Variants in THRB observed in about 807,000 individuals in gnomAD.
THRB encodes the protein nuclear receptor subfamily 1 group A member 2.
THRB carries 12 observed loss-of-function variants against 47.8 expected under a neutral mutation model. The ratio of observed to expected loss-of-function variants is 0.25; its 90% confidence interval spans 0.16 to 0.41. The LOEUF (loss-of-function observed/expected upper bound fraction) is 0.41, where lower values mean the gene tolerates loss of function less well. Ranked by LOEUF, THRB falls within the 10% of genes least tolerant of loss-of-function variation. The pLI, the probability that THRB is intolerant of heterozygous loss-of-function variation, is 1.00. For missense variants in THRB, 348 were observed against 589.2 expected, an observed-to-expected ratio of 0.59 and a Z score of 4.24; for synonymous variants, 218 against 212.2, an observed-to-expected ratio of 1.03 and a Z score of -0.24.
At chr3:24,489,563 C>T (rs1265417276) in intron 1 of THRB, among the ~76,000 whole-genome samples, 1 of 152,142 alleles carries the variant, frequency 6.6e-6, no homozygotes, top group Admixed American at 6.5e-5. Flanking sequence ...GTTCCTAGGT[C>T]CTAATTCCAG....
intron 1 of THRB, among the ~76,000 whole-genome samples, chr3:24,340,298 T>C (rs1233954124): frequency 1.3e-5 from 2 of 152,110 alleles, no homozygotes; most frequent in Non-Finnish European, 2.9e-5. Context: ...GGGGTTAATA[T>C]TAGAGCAAAA....
At chr3:24,385,097 C>A (rs1278642392) in intron 1 of THRB, among the ~76,000 whole-genome samples, 1 of 152,036 alleles carries the variant, frequency 6.6e-6, no homozygotes, top group Non-Finnish European at 1.5e-5. Flanking sequence ...ACAATGCAAT[C>A]TGATTGTCAT....
chr3:24,486,979 C>A (rs1414267809), intron 1 of THRB, among the ~76,000 whole-genome samples: 1 of 152,094 alleles, frequency 6.6e-6, no homozygotes, highest in Non-Finnish European at 1.5e-5. Context: ...CAGAAATAAA[C>A]CATTCTCCAG....
In THRB at chr3:24,251,888, T is replaced by A. The variant is rs151228931; in HGVS notation, c.-42-22887A>T. 6.4e-4 allele frequency among the ~76,000 whole-genome samples: 98 copies of A among 152,198 alleles called. No individual in the cohort carries two copies. In the East Asian group the frequency reaches 0.01, roughly 16 times the overall value. On this transcript the variant is annotated intron_variant, in intron 3 of 10. Coordinates refer to ENST00000646209, the MANE Select transcript of THRB (RefSeq NM_001354712.2). Reference sequence around the variant, plus strand: ...AAGAAATTTGCCCAGATGACTTATTTTAATTGAGACAAAAAATCTTAAATA... The same window carrying A: ...AAGAAATTTGCCCAGATGACTTATTATAATTGAGACAAAAAATCTTAAATA...
intron 5 of THRB, among the ~76,000 whole-genome samples, chr3:24,171,557 A>G (rs181289029): frequency 6.6e-4 from 101 of 152,278 alleles, no homozygotes; most frequent in African/African-American, 2.4e-3. Context: ...GACTTGTCAC[A>G]TGGTAGGTGG....
chr3:24,458,776 A>G (rs1258865112), intron 1 of THRB: 1 of 152,160 alleles, frequency 6.6e-6, no homozygotes, highest in Non-Finnish European at 1.5e-5. Context: ...CCGAACTGCA[A>G]ACCAATAGTC....
chr3:24,161,003 G>A (rs1160159279), intron 5 of THRB, among the ~76,000 whole-genome samples: 1 of 152,250 alleles, frequency 6.6e-6, no homozygotes, highest in African/African-American at 2.4e-5. Context: ...TGAAGGACAT[G>A]TCTTTGACGA....
chr3:24,482,083 C>T (rs1052866703), intron 1 of THRB, among the ~76,000 whole-genome samples: 15 of 152,264 alleles, frequency 9.9e-5, no homozygotes, highest in African/African-American at 2.4e-4. Context: ...GCAAAATGAT[C>T]GAGTAAATTT....
intron 8 of THRB, among the ~76,000 whole-genome samples, chr3:24,136,174 T>C (rs1478458616): frequency 1.3e-5 from 2 of 152,142 alleles, no homozygotes; most frequent in Non-Finnish European, 2.9e-5. Flanking sequence ...TAAGTAAAAC[T>C]AAACCCCCAA....
rs534435181 is a variant in THRB, at chr3:24,451,038, T to C, written c.-261+43614A>G. On this transcript the variant is annotated intron_variant, in intron 1 of 10. Coordinates refer to ENST00000646209, the MANE Select transcript of THRB (RefSeq NM_001354712.2). ...AATTTGGTTTCCCACACCCAGGTTT[T>C]GTTATAGGAAAAGTGACCCACAGGC... 2.0e-5 allele frequency among the ~76,000 whole-genome samples: 3 copies of C among 152,318 alleles called. No individual in the cohort carries two copies. In the South Asian group the frequency reaches 6.2e-4, roughly 32 times the overall value.
In THRB at chr3:24,143,922, C is replaced by G. The variant is rs549734495; in HGVS notation, c.533-216G>C. 1.2e-5 allele frequency: 7 copies of G among 594,282 alleles called. No homozygotes were observed. The Admixed American group carries it at 1.7e-4, about 15-fold the overall frequency. The allele number at this position is 594,282 out of a possible 1,614,324, so 36.8% of individuals were successfully genotyped here. A position where few individuals can be genotyped will look rare whatever the true frequency, so the allele number is the denominator to read the frequency against. The stretch of plus-strand genomic sequence containing the variant: ...GTCTCTAGAGCCAAACTCCCCATGA[C>G]CGGCCAGCTTTTCAAAACAAAGTCC... On this transcript the variant is annotated intron_variant, in intron 7 of 10. Transcript: ENST00000646209.
chr3:24,471,381 C>T (rs1006095883), intron 1 of THRB, among the ~76,000 whole-genome samples: 1 of 152,180 alleles, frequency 6.6e-6, no homozygotes, highest in Non-Finnish European at 1.5e-5. Context: ...CTTAAATCTG[C>T]AATAGGGGTT....
chr3:24,219,480 G>C lies in THRB; in HGVS notation c.22+9458C>G, dbSNP rs115113246. Among the ~76,000 whole-genome samples the C allele has an allele frequency of 2.2e-3, 329 of 152,196 alleles. 1 individual carries two copies. The highest frequency in any genetic ancestry group is 7.8e-3 in the African/African-American group (324 of 41,524). On this transcript the variant is annotated intron_variant, in intron 4 of 10. Coordinates refer to ENST00000646209, the MANE Select transcript of THRB (RefSeq NM_001354712.2). ...AGTTTGCTGTTCTGATGAGCCATTT[G>C]GGTAAGTGAAGATGCTGATGTTCAC...
intron 5 of THRB, among the ~76,000 whole-genome samples, chr3:24,164,793 A>G (rs1277972941): frequency 6.6e-6 from 1 of 152,208 alleles, no homozygotes; most frequent in Non-Finnish European, 1.5e-5. Context: ...CACATGCAAA[A>G]TACAGAAAGG....
chr3:24,124,928 G>A (rs1273707209), intron 10 of THRB, among the ~76,000 whole-genome samples: 5 of 152,178 alleles, frequency 3.3e-5, no homozygotes, highest in African/African-American at 1.2e-4. Flanking sequence ...ACTGGGGAGG[G>A]TGGATTGTGA....
At chr3:24,212,045 C>T (rs2046082547) in intron 4 of THRB, among the ~76,000 whole-genome samples, 1 of 152,126 alleles carries the variant, frequency 6.6e-6, no homozygotes. Context: ...AGGCGGATCA[C>T]CTGAGGTCAG....
intron 10 of THRB, among the ~76,000 whole-genome samples, chr3:24,126,140 C>T (rs2032750803): frequency 1.3e-5 from 2 of 152,214 alleles, no homozygotes; most frequent in African/African-American, 4.8e-5. Flanking sequence ...TGCCTATAAT[C>T]CCAGCACTTT....
intron 1 of THRB, among the ~76,000 whole-genome samples, chr3:24,473,308 C>T (rs565386635): frequency 5.5e-4 from 83 of 152,270 alleles, no homozygotes; most frequent in African/African-American, 1.4e-3. Flanking sequence ...CCAAAAGAGA[C>T]AATTAAAAAG....
chr3:24,243,244 G>T (rs2049752972), intron 3 of THRB, among the ~76,000 whole-genome samples: 2 of 151,898 alleles, frequency 1.3e-5, no homozygotes. Context: ...TAGTATCCAG[G>T]GGTCTCCTGC....
Sources: gnomAD v4.1 joint callset for allele counts (sites outside exome capture counted in the v4.1 genomes callset) on GRCh38, gnomAD v4.1.1 for gene constraint, MANE v1.5 for transcripts, NCBI Gene and HGNC (gene_info 2026-07-23, HGNC 2026-07-21) for gene names.